The following CD300LF variants were observed in gnomAD, a reference collection of about 807,000 sequenced individuals.
The protein encoded by CD300LF is CD300 molecule like family member f.
CD300LF carries 27 observed loss-of-function variants against 32.2 expected under a neutral mutation model. The observed-to-expected ratio is 0.84, with a 90% CI of 0.62 to 1.15. The LOEUF (loss-of-function observed/expected upper bound fraction) is 1.15. Among genes scored for constraint, CD300LF ranks in the 50% most tolerant of loss-of-function variants. CD300LF has a pLI of 0.00. For synonymous variants in CD300LF, 139 were observed against 143.2 expected (o/e 0.97, Z 0.21); for missense variants, 348 against 356.8 (o/e 0.98, Z 0.20).
chr17:74,708,342 C>T (rs1359367426), intron 1 of CD300LF, among the ~76,000 whole-genome samples: 3 of 151,828 alleles, frequency 2.0e-5, no homozygotes, highest in East Asian at 3.9e-4. Flanking sequence ...TTACCAAACA[C>T]GTAAAGAAGA....
Position 74,712,881 on chromosome 17 carries a change from G to A in CD300LF, c.-15C>T. ...AGCAGGGGCATCTTCTCTTCAGACA[G>A]GTCCCCGTTCCCCTCAGTGGAGCCT... On this transcript the variant is annotated 5_prime_UTR_variant, in exon 1 of 7. Transcript: ENST00000326165. The A allele has an allele frequency of 6.2e-7, 1 of 1,613,834 alleles. No homozygotes were observed. The highest frequency in any genetic ancestry group is 8.5e-7 in the Non-Finnish European group (1 of 1,179,808).
intron 1 of CD300LF, among the ~76,000 whole-genome samples, chr17:74,710,907 G>A (rs2033911271): frequency 6.6e-6 from 1 of 151,810 alleles, no homozygotes; most frequent in African/African-American, 2.4e-5. Context: ...AGGCACGGTG[G>A]CTCATGCTTT....
intron 5 of CD300LF, 91 bp from the exon 6 acceptor site, chr17:74,695,950 A>C: frequency 6.9e-7 from 1 of 1,458,208 alleles, no homozygotes; most frequent in African/African-American, 1.4e-5. Flanking sequence ...GAGCCTCTCC[A>C]CTTCCCCAGG....
At chr17:74,708,064 C>T (rs2033656188) in intron 1 of CD300LF, among the ~76,000 whole-genome samples, 1 of 150,370 alleles carries the variant, frequency 6.7e-6, no homozygotes, top group Non-Finnish European at 1.5e-5. Context: ...AGGAGAATCG[C>T]TTGAACCCAG....
At chr17:74,702,460 A>C (rs2033141703) in intron 3 of CD300LF, among the ~76,000 whole-genome samples, 1 of 152,264 alleles carries the variant, frequency 6.6e-6, no homozygotes, top group Non-Finnish European at 1.5e-5. Context: ...CAAAGAAAAC[A>C]AAATAATGCA....
At chr17:74,702,563 T>C (rs753599996) in intron 3 of CD300LF, among the ~76,000 whole-genome samples, 13 of 152,168 alleles carry the variant, frequency 8.5e-5, no homozygotes, top group Admixed American at 3.9e-4. Flanking sequence ...AGAGGAAAAT[T>C]AAGGGAAACA....
intron 5 of CD300LF, 146 bp from the exon 6 acceptor site, chr17:74,696,005 C>G (rs1461081850): frequency 2.4e-6 from 3 of 1,262,898 alleles, no homozygotes; most frequent in Non-Finnish European, 3.3e-6. Context: ...TCTCAGGCTC[C>G]TGTACCCCTC....
chr17:74,705,872 G>A (rs2033462497), intron 1 of CD300LF, among the ~76,000 whole-genome samples: 1 of 152,184 alleles, frequency 6.6e-6, no homozygotes. Context: ...TGGGATTACA[G>A]GCGGGCCCCA....
intron 1 of CD300LF, among the ~76,000 whole-genome samples, chr17:74,707,077 G>A (rs1013279528): frequency 3.3e-5 from 5 of 152,192 alleles, no homozygotes; most frequent in African/African-American, 9.7e-5. Flanking sequence ...TGGTCTTGGC[G>A]ATGATGTCTT....
Position 74,704,532 on chromosome 17 carries a change from T to G in CD300LF, c.328A>C (p.Ile110Leu), listed in dbSNP as rs779430010. The G allele has an allele frequency of 8.7e-6, 14 of 1,614,186 alleles. No homozygotes were observed. The highest frequency in any genetic ancestry group is 1.2e-5 in the Non-Finnish European group (14 of 1,180,018). ...KTDADTYWCG[I>L]EKTGNDLGVT... The stretch of plus-strand genomic sequence containing the variant: ...CCAAGGTCATTTCCAGTTTTCTCAA[T>G]TCCACACCAGTAAGTGTCAGCATCA... The change falls in exon 2 of 7, where the codon ATT becomes CTT. Residue 110 changes from isoleucine to leucine, a missense_variant. Coordinates refer to ENST00000326165, the MANE Select transcript of CD300LF (RefSeq NM_139018.5).
At chr17:74,701,988 TCAAGTCTGAGCTACAGAGCAAGA>T (rs2033095061) in intron 3 of CD300LF, among the ~76,000 whole-genome samples, 7 of 151,280 alleles carry the variant, frequency 4.6e-5, no homozygotes, top group Admixed American at 4.6e-4. Context: ...CACCATGCAC[TCAAGTCTGAGCTACAGAGCAAGA>T]CTGTCTAAAA....
intron 1 of CD300LF, among the ~76,000 whole-genome samples, chr17:74,708,993 G>A (rs1383759934): frequency 6.6e-6 from 1 of 151,376 alleles, no homozygotes; most frequent in Non-Finnish European, 1.5e-5. Flanking sequence ...GGGAGTCCGA[G>A]TCAGGCAGAT....
intron 1 of CD300LF, chr17:74,705,236 T>C (rs1380706796): frequency 5.7e-6 from 4 of 702,248 alleles, no homozygotes; most frequent in Non-Finnish European, 1.0e-5. Flanking sequence ...CCTCATGAGG[T>C]CGAGCTGAGG....
intron 4 of CD300LF, 97 bp from the exon 5 acceptor site, chr17:74,696,314 G>T: frequency 7.5e-7 from 1 of 1,331,092 alleles, no homozygotes; most frequent in Non-Finnish European, 1.0e-6. Flanking sequence ...GAAAAGAGGT[G>T]AATTGGGTCC....
rs748180344 is a variant in CD300LF at position 74,696,235 on chromosome 17, A to G, written c.560-18T>C. 2.5e-6 allele frequency: 4 copies of G among 1,603,116 alleles called. No individual in the cohort carries two copies. On this transcript the variant is annotated intron_variant, in intron 4 of 6. Transcript: ENST00000326165. ...CCCGGCTGCTAAAAGACAAACAACA[A>G]TTCAGAATTAGAAAGCCCATTCCCC...
rs1186925340 is a variant in CD300LF at position 74,704,529 on chromosome 17, C to T, written c.331G>A (p.Glu111Lys). ...TDADTYWCGI[E>K]KTGNDLGVTV... ...ACCCCAAGGTCATTTCCAGTTTTCTCAATTCCACACCAGTAAGTGTCAGCA... is the reference window on the plus strand; with the variant it reads ...ACCCCAAGGTCATTTCCAGTTTTCTTAATTCCACACCAGTAAGTGTCAGCA... Residue 111 changes from glutamate to lysine, a missense_variant, in exon 2 of 7, where the codon GAG becomes AAG. By Grantham distance (56) the Glu-to-Lys change is moderately conservative. Transcript: ENST00000326165. 2 of 1,614,154 alleles carry T rather than the reference C, an allele frequency of 1.2e-6. No individual in the cohort carries two copies. Among genetic ancestry groups the T allele is most frequent in the Admixed American group, 3.3e-5 (2 of 60,028 alleles).
At chr17:74,705,369 CT>C (rs1448930652) in intron 1 of CD300LF, 21 of 650,490 alleles carry the variant, frequency 3.2e-5, no homozygotes, top group Non-Finnish European at 2.9e-6. Flanking sequence ...GGCAACTGGT[CT>C]CCATGTGCTA....
At chr17:74,697,097 A>G (rs770924624) in intron 4 of CD300LF, among the ~76,000 whole-genome samples, 7 of 152,126 alleles carry the variant, frequency 4.6e-5, no homozygotes, top group Non-Finnish European at 7.4e-5. Context: ...GTGTGCCACC[A>G]TATCCAGCTA....
chr17:74,701,845 G>A lies in CD300LF; in HGVS notation c.446+1190C>T, dbSNP rs541841619. ...AACCTGGGCAACAGAGTGAGAATCC[G>A]TCAAAAAAAAAAAAAAAAAAACAAT... On this transcript the variant is annotated intron_variant, in intron 3 of 6. Coordinates refer to ENST00000326165, the MANE Select transcript of CD300LF (RefSeq NM_139018.5). 1.3e-3 allele frequency among the ~76,000 whole-genome samples: 141 copies of A among 111,700 alleles called. 1 individual carries two copies. Among genetic ancestry groups the A allele is most frequent in the African/African-American group, 6.1e-3 (135 of 22,268 alleles). The allele number at this position is 111,700 out of a possible 152,430, so 73.3% of individuals were successfully genotyped here.
Sources: allele counts gnomAD v4.1 joint callset (sites outside exome capture counted in the v4.1 genomes callset), GRCh38; gene constraint gnomAD v4.1.1; transcripts MANE v1.5; gene names NCBI Gene and HGNC (gene_info 2026-07-23, HGNC 2026-07-21).